AOAH: variants seen among roughly 807,000 people sequenced by gnomAD.
AOAH encodes the protein acyloxyacyl hydrolase.
A neutral mutation model predicts 92.2 loss-of-function variants in AOAH; 64 were observed. The observed-to-expected ratio is 0.69, with a 90% confidence interval of 0.57 to 0.86. The LOEUF (loss-of-function observed/expected upper bound fraction) is 0.86, where lower values mean the gene tolerates loss of function less well. Ranked by LOEUF, AOAH falls within the 40% of genes least tolerant of loss-of-function variation. The probability of loss-of-function intolerance (pLI) is 0.00; values close to 1 mark genes in which losing one functional copy is unlikely to be tolerated. For synonymous variants in AOAH, 263 were observed against 254.5 expected, an observed-to-expected ratio of 1.03 and a Z score of -0.32; for missense variants, 656 against 694.6, an observed-to-expected ratio of 0.94 and a Z score of 0.62.
chr7:36,545,671 A>G (rs1785759544), intron 15 of AOAH, among the ~76,000 whole-genome samples: 1 of 152,230 alleles, frequency 6.6e-6, no homozygotes, highest in African/African-American at 2.4e-5. Flanking sequence ...ACTCCTAAGA[A>G]TATGATGCTT....
chr7:36,606,891 T>C (rs1791047342), intron 11 of AOAH, among the ~76,000 whole-genome samples: 1 of 152,230 alleles, frequency 6.6e-6, no homozygotes, highest in African/African-American at 2.4e-5. Flanking sequence ...GAGGTTTAGA[T>C]ATTTCGGAGA....
In AOAH at chr7:36,546,719, C is replaced by T. The variant is rs537710667; in HGVS notation, c.1133+1893G>A. ...AGTATAGTCAGTTTGCTCTCTGTTCCTCTCTGGAGGACATGCTCTGGGGGC... is the reference window on the plus strand; with the variant it reads ...AGTATAGTCAGTTTGCTCTCTGTTCTTCTCTGGAGGACATGCTCTGGGGGC... On this transcript the variant is annotated intron_variant, in intron 15 of 20. Transcript: ENST00000617537. Among the ~76,000 whole-genome samples the T allele has an allele frequency of 1.8e-3, 273 of 152,330 alleles. 1 individual carries two copies. The highest frequency in any genetic ancestry group is 5.6e-3 in the African/African-American group (231 of 41,570).
In AOAH at chr7:36,620,849, A is replaced by G. The variant is rs769514503; in HGVS notation, c.654-20T>C. 2.5e-6 allele frequency: 4 copies of G among 1,612,294 alleles called. No homozygotes were observed. In the African/African-American group the frequency reaches 5.3e-5, roughly 22 times the overall value. ...TTCGGCCTAAGAAAAAAACATTAAC[A>G]TTGGTCTTTGACATATGCTTGTCTC... On this transcript the variant is annotated intron_variant, in intron 8 of 20. Coordinates refer to ENST00000617537, the MANE Select transcript of AOAH (RefSeq NM_001637.4).
At chr7:36,647,324 G>A (rs1478646559) in intron 4 of AOAH, among the ~76,000 whole-genome samples, 1 of 152,200 alleles carries the variant, frequency 6.6e-6, no homozygotes, top group African/African-American at 2.4e-5. Context: ...GATTAATTAA[G>A]TGAAGATGAG....
Position 36,576,631 on chromosome 7 carries a change from G to A in AOAH, c.964C>T (p.Arg322Cys), listed in dbSNP as rs150438169. 31 of 1,570,746 alleles carry A rather than the reference G, an allele frequency of 2.0e-5. No homozygotes were observed. Among genetic ancestry groups the A allele is most frequent in the Middle Eastern group, 1.7e-4 (1 of 5,912 alleles). Residue 322 changes from arginine (R) to cysteine (C), a missense_variant, in exon 13 of 21, where the codon CGC (arginine) becomes TGC (cysteine). Transcript: ENST00000617537. ...TTACAGTGGTTTCTTTTCCATAAGC[G>A]AAGGTAAATAGATTTTTCTTTAATT... The part of the protein sequence containing the change: ...VGIKEKSIYL[R>C]LWKRNHCNHR...
chr7:36,566,802 G>T (rs538440333), intron 13 of AOAH, among the ~76,000 whole-genome samples: 1 of 152,086 alleles, frequency 6.6e-6, no homozygotes, highest in Non-Finnish European at 1.5e-5. Flanking sequence ...GTAAGCATGC[G>T]TGTAACTTCA....
chr7:36,721,179 C>A (rs926969510), intron 1 of AOAH, among the ~76,000 whole-genome samples: 5 of 152,170 alleles, frequency 3.3e-5, no homozygotes, highest in South Asian at 2.1e-4. Flanking sequence ...TCTCCACCAA[C>A]GGGAGATGTC....
intron 11 of AOAH, among the ~76,000 whole-genome samples, chr7:36,601,416 G>C (rs1405589805): frequency 7.6e-6 from 1 of 132,134 alleles, no homozygotes; most frequent in Non-Finnish European, 1.7e-5. Flanking sequence ...GCACCAGACT[G>C]TGCTGGGCAC....
intron 12 of AOAH, among the ~76,000 whole-genome samples, chr7:36,582,998 C>A (rs1297704041): frequency 6.6e-6 from 1 of 152,134 alleles, no homozygotes; most frequent in Non-Finnish European, 1.5e-5. Context: ...GCGCATGCCA[C>A]CATGCCCAGC....
chr7:36,586,938 A>T (rs1330324650), intron 12 of AOAH, among the ~76,000 whole-genome samples: 1 of 152,124 alleles, frequency 6.6e-6, no homozygotes, highest in Non-Finnish European at 1.5e-5. Context: ...GTGCTTCTGC[A>T]TTCAGTCTGT....
chr7:36,673,411 C>A (rs1796045706), intron 3 of AOAH, among the ~76,000 whole-genome samples: 1 of 151,752 alleles, frequency 6.6e-6, no homozygotes, highest in African/African-American at 2.4e-5. Context: ...GTGGCACATG[C>A]CCGCCGTAAT....
At position 36,621,721 on chromosome 7, in the gene AOAH, G is replaced by C; in HGVS notation, c.642C>G (p.Tyr214Ter). ...GCAGAAATAGTTACCTTCTACCTGGGTACACTGACTCGTCGCTGTCATTAC... is the reference window on the plus strand; with the variant it reads ...GCAGAAATAGTTACCTTCTACCTGGCTACACTGACTCGTCGCTGTCATTAC... ...RDCNDSDESV[Y>*]PGRRPNNWDV... The change falls in exon 8 of 21, where the codon TAC (tyrosine) becomes TAG (stop). Residue 214 changes from tyrosine to a stop codon, truncating the protein, a stop_gained. Coordinates refer to ENST00000617537, the MANE Select transcript of AOAH (RefSeq NM_001637.4). LOFTEE classifies it high-confidence loss of function. The C allele has an allele frequency of 6.2e-7, 1 of 1,614,036 alleles. No individual in the cohort carries two copies. Among genetic ancestry groups the C allele is most frequent in the Non-Finnish European group, 8.5e-7 (1 of 1,179,980 alleles).
Position 36,594,248 on chromosome 7 carries a change from C to T in AOAH, c.938+91G>A, listed in dbSNP as rs1443079605. ...GTTCTAGAAGCAGTTCCTAATAATT[C>T]GCATTTCAACATCTTGGTAGCAACC... On this transcript the variant is annotated intron_variant, in intron 12 of 20. Coordinates refer to ENST00000617537, the MANE Select transcript of AOAH (RefSeq NM_001637.4). 3.3e-5 allele frequency: 33 copies of T among 985,406 alleles called. No individual in the cohort carries two copies. In the East Asian group the frequency reaches 3.6e-4, roughly 11 times the overall value. The allele number at this position is 985,406 out of a possible 1,614,324, so 61.0% of individuals were successfully genotyped here.
chr7:36,594,887 CCTT>C (rs1450405073), intron 11 of AOAH, among the ~76,000 whole-genome samples: 8 of 152,116 alleles, frequency 5.3e-5, no homozygotes, highest in African/African-American at 1.9e-4. Context: ...TGCCCTCTGA[CCTT>C]CTTGGGGGTC....
Position 36,532,201 on chromosome 7 carries a change from G to T in AOAH, c.1371C>A (p.Ser457Arg). The change falls in exon 18 of 21, where the codon AGC becomes AGA. Residue 457 changes from serine to arginine, a missense_variant. Coordinates refer to ENST00000617537, the MANE Select transcript of AOAH (RefSeq NM_001637.4). ...LYSFLNCLQV[S>R]PCHGWMSSNK... is the part of the protein sequence containing the mutation. ...TGGAAGACATCCAGCCGTGGCAGGG[G>T]CTGACCTGAGAGCGGGAAAACACTT... The T allele has an allele frequency of 1.2e-6, 2 of 1,614,212 alleles. No individual in the cohort carries two copies. The highest frequency in any genetic ancestry group is 1.7e-6 in the Non-Finnish European group (2 of 1,180,036).
At chr7:36,536,657 A>C (rs1785076648) in intron 16 of AOAH, among the ~76,000 whole-genome samples, 1 of 152,078 alleles carries the variant, frequency 6.6e-6, no homozygotes, top group South Asian at 2.1e-4. Flanking sequence ...TTTAAGAATC[A>C]CGCCTTCTCA....
At chr7:36,517,222 T>TTCTTTTTCTCTTTCTTTCTC (rs1562854041) in intron 20 of AOAH, among the ~76,000 whole-genome samples, 1 of 67,266 alleles carries the variant, frequency 1.5e-5, no homozygotes. Flanking sequence ...TTCTCTTTCT[T>TTCTTTTTCTCTTTCTTTCTC]TCTGTCTCTC....
At chr7:36,555,472 T>A (rs565689950) in intron 13 of AOAH, among the ~76,000 whole-genome samples, 11 of 152,346 alleles carry the variant, frequency 7.2e-5, no homozygotes, top group Non-Finnish European at 1.3e-4. Flanking sequence ...TCTGCCTGGC[T>A]TTGGTAGCAG....
intron 1 of AOAH, among the ~76,000 whole-genome samples, chr7:36,704,841 A>G (rs1202813340): frequency 2.0e-5 from 3 of 152,226 alleles, no homozygotes; most frequent in Non-Finnish European, 2.9e-5. Flanking sequence ...GGTTCAACAT[A>G]TGCAAATCAC....
Sources: gnomAD v4.1 joint callset for allele counts (sites outside exome capture counted in the v4.1 genomes callset) on GRCh38, gnomAD v4.1.1 for gene constraint, MANE v1.5 for transcripts, NCBI Gene and HGNC (gene_info 2026-07-23, HGNC 2026-07-21) for gene names.